The following DHRSX variants were observed in gnomAD, a reference collection of about 807,000 sequenced individuals.
DHRSX encodes the protein polyprenol dehydrogenase.
A neutral mutation model predicts 34.0 loss-of-function variants in DHRSX; 31 were observed. The ratio of observed to expected loss-of-function variants is 0.91; its 90% CI spans 0.69 to 1.23. The LOEUF (loss-of-function observed/expected upper bound fraction) is 1.23. Among genes scored for constraint, DHRSX ranks in the 50% most tolerant of loss-of-function variants. The probability of loss-of-function intolerance (pLI) is 0.00; values close to 1 mark genes in which losing one functional copy is unlikely to be tolerated. For synonymous variants in DHRSX, 201 were observed against 183.8 expected (o/e 1.09, Z -0.76); for missense variants, 414 against 428.1 (o/e 0.97, Z 0.29).
chrX:2,437,688 AGAGAGAGAGAGTGTGTGTGTGT>A (rs1349563298), intron 1 of DHRSX, among the ~76,000 whole-genome samples: 2 of 66,976 alleles, frequency 3.0e-5, no homozygotes, highest in African/African-American at 1.5e-4. Flanking sequence ...AGAGAGAGAG[AGAGAGAGAGAGTGTGTGTGTGT>A]GTGTGTGTGT....
chrX:2,458,652 T>G (rs2044347451), intron 1 of DHRSX, among the ~76,000 whole-genome samples: 1 of 148,590 alleles, frequency 6.7e-6, no homozygotes, highest in Non-Finnish European at 1.5e-5. Flanking sequence ...GAGAGTGCAA[T>G]GGTGGTTGCC....
chrX:2,413,602 TA>T (rs1313806840), intron 2 of DHRSX, among the ~76,000 whole-genome samples: 1 of 152,210 alleles, frequency 6.6e-6, no homozygotes, highest in South Asian at 2.1e-4. Flanking sequence ...AATACAAGTT[TA>T]AATATTTTAC....
At chrX:2,246,720 G>GAAAGAAAGAA (rs1556432429) in intron 5 of DHRSX, among the ~76,000 whole-genome samples, 5 of 102,870 alleles carry the variant, frequency 4.9e-5, no homozygotes, top group African/African-American at 1.6e-4. Context: ...AAGAAAGAAA[G>GAAAGAAAGAA]AAAGAAAGAA....
intron 3 of DHRSX, among the ~76,000 whole-genome samples, chrX:2,326,101 C>A (rs1200767834): frequency 1.3e-5 from 2 of 152,212 alleles, no homozygotes; most frequent in Non-Finnish European, 2.9e-5. Context: ...TGCCTGAAGA[C>A]TGGACAGACA....
At chrX:2,441,633 G>A (rs2044063557) in intron 1 of DHRSX, among the ~76,000 whole-genome samples, 2 of 152,098 alleles carry the variant, frequency 1.3e-5, no homozygotes, top group Non-Finnish European at 2.9e-5. Flanking sequence ...CTCTTCCTTG[G>A]AGGAGGGACT....
chrX:2,321,968 TTTTTTG>T (rs1336433977), intron 3 of DHRSX, among the ~76,000 whole-genome samples: 564 of 152,230 alleles, frequency 3.7e-3, no homozygotes, highest in Middle Eastern at 0.024. Flanking sequence ...TTTGGTGTCC[TTTTTTG>T]TTTTTAATTA....
intron 3 of DHRSX, among the ~76,000 whole-genome samples, chrX:2,349,320 C>A (rs1432733335): frequency 3.3e-5 from 5 of 150,404 alleles, no homozygotes; most frequent in Non-Finnish European, 7.4e-5. Context: ...TGGCGACAGA[C>A]TGACACTCCG....
chrX:2,306,926 C>CT (rs779898766), intron 3 of DHRSX, among the ~76,000 whole-genome samples: 175 of 132,142 alleles, frequency 1.3e-3, no homozygotes, highest in Middle Eastern at 4.0e-3. Context: ...GGTCTTGGGG[C>CT]TTTTTTTTTT....
intron 5 of DHRSX, among the ~76,000 whole-genome samples, chrX:2,253,393 C>T (rs190258751): frequency 8.4e-6 from 1 of 118,640 alleles, no homozygotes; most frequent in East Asian, 2.1e-4. Context: ...GATGGCGCCA[C>T]GGCACTCCAG....
At chrX:2,284,800 A>G (rs1282692397) in intron 4 of DHRSX, among the ~76,000 whole-genome samples, 1 of 152,234 alleles carries the variant, frequency 6.6e-6, no homozygotes, top group East Asian at 1.9e-4. Flanking sequence ...AGCTTCCCAC[A>G]GCAGCCAGAC....
At chrX:2,288,222 T>C (rs1295120628) in intron 4 of DHRSX, among the ~76,000 whole-genome samples, 1 of 152,042 alleles carries the variant, frequency 6.6e-6, no homozygotes, top group East Asian at 1.9e-4. Flanking sequence ...AGGTGTCTCA[T>C]TGCTGGCTTT....
intron 1 of DHRSX, among the ~76,000 whole-genome samples, chrX:2,474,206 G>A (rs1261707939): frequency 3.9e-5 from 6 of 152,082 alleles, no homozygotes; most frequent in Non-Finnish European, 2.9e-5. Flanking sequence ...CGTTTTCTAA[G>A]AATGTGGACA....
At chrX:2,361,073 T>C (rs967021364) in intron 3 of DHRSX, among the ~76,000 whole-genome samples, 4 of 151,992 alleles carry the variant, frequency 2.6e-5, no homozygotes, top group African/African-American at 9.7e-5. Flanking sequence ...TTAGAGAAAA[T>C]GGAACATTTC....
At chrX:2,468,917 T>C (rs2044542625) in intron 1 of DHRSX, among the ~76,000 whole-genome samples, 1 of 140,812 alleles carries the variant, frequency 7.1e-6, no homozygotes, top group Non-Finnish European at 1.5e-5. Context: ...ACCGCTGCCG[T>C]TGCACACTGA....
chrX:2,370,689 T>C (rs2043047194), intron 3 of DHRSX, among the ~76,000 whole-genome samples: 1 of 151,944 alleles, frequency 6.6e-6, no homozygotes, highest in Admixed American at 6.6e-5. Flanking sequence ...ACATTCTTTA[T>C]TTGCCCCTTC....
chrX:2,301,935 C>G (rs963469599), intron 3 of DHRSX, among the ~76,000 whole-genome samples: 1 of 152,090 alleles, frequency 6.6e-6, no homozygotes, highest in African/African-American at 2.4e-5. Context: ...CTCACCCGGC[C>G]TCATCTAGCT....
chrX:2,441,878 C>G (rs2044067035), intron 1 of DHRSX, among the ~76,000 whole-genome samples: 1 of 152,116 alleles, frequency 6.6e-6, no homozygotes, highest in African/African-American at 2.4e-5. Context: ...CAAGACCAGC[C>G]TGGCCAACAT....
intron 5 of DHRSX, among the ~76,000 whole-genome samples, chrX:2,260,648 A>C (rs1462604516): frequency 1.3e-5 from 2 of 151,834 alleles, no homozygotes; most frequent in Non-Finnish European, 2.9e-5. Context: ...TTTAGTAGAG[A>C]CAGGGTTTCA....
chrX:2,489,460 G>A (rs1365006600), intron 1 of DHRSX: 11 of 1,613,874 alleles, frequency 6.8e-6, no homozygotes, highest in Middle Eastern at 1.7e-4. Context: ...GCTTCACCAT[G>A]CTGATGGTGG....
Sources: allele counts gnomAD v4.1 joint callset (sites outside exome capture counted in the v4.1 genomes callset), GRCh38; gene constraint gnomAD v4.1.1; transcripts MANE v1.5; gene names NCBI Gene and HGNC (gene_info 2026-07-23, HGNC 2026-07-21).